The following MSI2 variants were observed in gnomAD, a reference collection of about 807,000 sequenced individuals.
MSI2 encodes the protein RNA-binding protein Musashi homolog 2.
A neutral mutation model predicts 45.6 loss-of-function variants in MSI2; 17 were observed. That is an observed-to-expected ratio of 0.37 (90% CI 0.26 to 0.56). The LOEUF is 0.56. Ranked by LOEUF, MSI2 falls within the 20% of genes least tolerant of loss-of-function variation. The pLI is 0.77. For missense variants in MSI2, 293 were observed against 444.2 expected (o/e 0.66, Z 3.06); for synonymous variants, 156 against 158.2 (o/e 0.99, Z 0.11).
chr17:57,261,117 T>A (rs566089255), intron 4 of MSI2, among the ~76,000 whole-genome samples: 1 of 152,344 alleles, frequency 6.6e-6, no homozygotes, highest in South Asian at 2.1e-4. Context: ...TATTTTCACA[T>A]TTCTTTCCTC....
At chr17:57,540,633 CAG>C (rs537936889) in intron 7 of MSI2, among the ~76,000 whole-genome samples, 2 of 152,200 alleles carry the variant, frequency 1.3e-5, no homozygotes, top group South Asian at 4.1e-4. Context: ...GAGAGAGACA[CAG>C]GGAGATGGCC....
At chr17:57,255,858 G>A (rs887543904), upstream of MSI2, 1 of 152,288 alleles carries the variant, frequency 6.6e-6, no homozygotes, top group Non-Finnish European at 1.5e-5. Flanking sequence ...GCCAGAGCCA[G>A]AGAGAACTTC....
intron 1 of MSI2, 73 bp downstream of exon 1, chr17:57,256,877 C>G (rs1225085465): frequency 2.5e-6 from 3 of 1,223,940 alleles, no homozygotes; most frequent in Non-Finnish European, 1.1e-6. Context: ...CGGCGGTGCG[C>G]GGAGCCGGGC....
At chr17:57,547,395 G>T (rs1391977311) in intron 7 of MSI2, among the ~76,000 whole-genome samples, 1 of 152,200 alleles carries the variant, frequency 6.6e-6, no homozygotes, top group African/African-American at 2.4e-5. Context: ...GAAGCAGGGT[G>T]GCCAGTGGAA....
chr17:57,665,359 G>A (rs1308195956), intron 11 of MSI2, among the ~76,000 whole-genome samples: 2 of 152,218 alleles, frequency 1.3e-5, no homozygotes, highest in East Asian at 1.9e-4. Flanking sequence ...TGGTAAGGTC[G>A]GAGTTTGTTT....
At chr17:57,496,234 C>A (rs1211870754) in intron 6 of MSI2, among the ~76,000 whole-genome samples, 1 of 152,132 alleles carries the variant, frequency 6.6e-6, no homozygotes, top group Non-Finnish European at 1.5e-5. Flanking sequence ...AGGATTCCCA[C>A]CCCTTACACT....
intron 5 of MSI2, among the ~76,000 whole-genome samples, chr17:57,295,185 T>C (rs1325842401): frequency 6.6e-6 from 1 of 152,206 alleles, no homozygotes; most frequent in Non-Finnish European, 1.5e-5. Context: ...TGTGTCTTTC[T>C]GTGCAGCGCT....
Position 57,680,083 on chromosome 17 carries a change from CA to C in MSI2, c.*569del, listed in dbSNP as rs1385598119. The stretch of plus-strand genomic sequence containing the variant: ...GGTGGAACTTTAGCACACACTGAAG[CA>C]AAGTTGTGAAGTGCAGGGCGGGAGG... On this transcript the variant is annotated 3_prime_UTR_variant, in exon 14 of 14. Transcript: ENST00000284073. 4.4e-6 allele frequency: 1 copy of C among 228,302 alleles called. No homozygotes were observed. The highest frequency in any genetic ancestry group is 2.2e-5 in the African/African-American group (1 of 45,060). The allele number at this position is 228,302 out of a possible 1,614,324, so 14.1% of individuals were successfully genotyped here.
intron 6 of MSI2, among the ~76,000 whole-genome samples, chr17:57,427,256 GT>G (rs34314693): frequency 0.097 from 14,781 of 152,088 alleles, 718 homozygotes; most frequent in Middle Eastern, 0.13. Flanking sequence ...AATTAGCTGA[GT>G]TGTGGTGATG....
At chr17:57,391,015 T>A (rs895295471) in intron 5 of MSI2, among the ~76,000 whole-genome samples, 1 of 152,182 alleles carries the variant, frequency 6.6e-6, no homozygotes, top group African/African-American at 2.4e-5. Flanking sequence ...TCAACTTTTG[T>A]GTAGAAACCA....
chr17:57,510,400 G>GT (rs34773035), intron 6 of MSI2, among the ~76,000 whole-genome samples: 40,071 of 148,072 alleles, frequency 0.27, 5,798 homozygotes, highest in Non-Finnish European at 0.32. Context: ...CACTCCTCTT[G>GT]TTTTTTTTTT....
intron 4 of MSI2, among the ~76,000 whole-genome samples, chr17:57,260,505 A>AAAAC (rs1487047161): frequency 6.6e-6 from 1 of 152,174 alleles, no homozygotes; most frequent in Non-Finnish European, 1.5e-5. Flanking sequence ...CCAACTAAAA[A>AAAAC]AAACACCCTC....
chr17:57,529,450 A>C lies in MSI2; in HGVS notation c.406-226A>C, dbSNP rs1162841730. Among the ~76,000 whole-genome samples, 2 of 152,150 alleles carry C rather than the reference A, an allele frequency of 1.3e-5. No individual in the cohort carries two copies. The highest frequency in any genetic ancestry group is 2.9e-5 in the Non-Finnish European group (2 of 68,028). On this transcript the variant is annotated intron_variant, in intron 6 of 13. Coordinates refer to ENST00000284073, the MANE Select transcript of MSI2 (RefSeq NM_138962.4). The surrounding 1 kb of genome is among the most constrained non-coding windows in gnomAD (Gnocchi z 5.3). ...GACCCTGTCTCAAAAAATAAAAAGC[A>C]GACACTAAAGGGAACTATATAAAAT...
intron 10 of MSI2, among the ~76,000 whole-genome samples, chr17:57,648,980 G>C (rs1910911454): frequency 6.6e-6 from 1 of 152,154 alleles, no homozygotes; most frequent in African/African-American, 2.4e-5. Flanking sequence ...TCCACCAGGG[G>C]CCTCCTGGTC....
At chr17:57,568,890 G>C (rs1278754848) in intron 7 of MSI2, among the ~76,000 whole-genome samples, 3 of 152,188 alleles carry the variant, frequency 2.0e-5, no homozygotes, top group Non-Finnish European at 4.4e-5. Context: ...AAGGTTAGCA[G>C]GTAGAAGTGA....
intron 5 of MSI2, among the ~76,000 whole-genome samples, chr17:57,330,459 A>C (rs1317505053): frequency 1.3e-5 from 2 of 151,590 alleles, no homozygotes; most frequent in Non-Finnish European, 2.9e-5. Context: ...TTGTATTTTT[A>C]GTAGAGATGG....
At chr17:57,482,016 G>A (rs2085657747) in intron 6 of MSI2, among the ~76,000 whole-genome samples, 1 of 152,138 alleles carries the variant, frequency 6.6e-6, no homozygotes, top group Non-Finnish European at 1.5e-5. Context: ...TCAGTCCACC[G>A]GCCCAACCAG....
At chr17:57,606,174 C>G (rs976250255) in intron 8 of MSI2, 1 of 152,626 alleles carries the variant, frequency 6.6e-6, no homozygotes, top group Non-Finnish European at 1.5e-5. Context: ...GCTGCTCTCT[C>G]TCTTCCTCTT....
intron 10 of MSI2, chr17:57,631,968 T>C: frequency 1.4e-6 from 2 of 1,444,156 alleles, no homozygotes; most frequent in South Asian, 3.0e-5. Flanking sequence ...ATGACTGTTC[T>C]TTTTCTCATT....
Sources: gnomAD v4.1 joint callset for allele counts (sites outside exome capture counted in the v4.1 genomes callset) on GRCh38, gnomAD v4.1.1 for gene constraint, Gnocchi (gnomAD v3.1) non-coding constraint, MANE v1.5 for transcripts, NCBI Gene and HGNC (gene_info 2026-07-23, HGNC 2026-07-21) for gene names.